KCNH1: variants seen among roughly 807,000 people sequenced by gnomAD.
KCNH1 encodes the protein potassium voltage-gated channel subfamily H member 1, also known as voltage-gated delayed rectifier potassium channel KCNH1.
In KCNH1, 27 loss-of-function variants were observed where a neutral mutation model predicts 69.2. The observed-to-expected ratio is 0.39, with a 90% confidence interval of 0.29 to 0.54. The LOEUF (loss-of-function observed/expected upper bound fraction) is 0.54. Among genes scored for constraint, KCNH1 ranks in the 20% least tolerant of loss-of-function variants. The pLI, the probability that KCNH1 is intolerant of heterozygous loss-of-function variation, is 0.68. For missense variants in KCNH1, 798 were observed against 1,261.6 expected (o/e 0.63, Z 5.57); for synonymous variants, 456 against 487.7 (o/e 0.93, Z 0.86).
intron 10 of KCNH1, among the ~76,000 whole-genome samples, chr1:210,756,905 G>A (rs1392284476): frequency 1.3e-5 from 2 of 152,144 alleles, no homozygotes; most frequent in Non-Finnish European, 2.9e-5. Flanking sequence ...TGGGGGAGAG[G>A]GAAGCTGGAT....
intron 7 of KCNH1, among the ~76,000 whole-genome samples, chr1:210,917,566 A>C (rs561097688): frequency 6.6e-6 from 1 of 152,320 alleles, no homozygotes; most frequent in South Asian, 2.1e-4. Flanking sequence ...CTAGGTAAGA[A>C]GTTGCAGGGA....
intron 6 of KCNH1, among the ~76,000 whole-genome samples, chr1:211,016,005 T>C (rs922424856): frequency 1.3e-5 from 2 of 152,196 alleles, no homozygotes; most frequent in Admixed American, 6.5e-5. Context: ...AGTAAGAGCT[T>C]TGATTCTAAG....
chr1:210,735,266 G>T (rs1682847420), intron 10 of KCNH1, among the ~76,000 whole-genome samples: 1 of 152,102 alleles, frequency 6.6e-6, no homozygotes, highest in Non-Finnish European at 1.5e-5. Context: ...TACACCCCAG[G>T]CATCACCTTT....
At chr1:210,879,733 A>G (rs1192965396) in intron 7 of KCNH1, among the ~76,000 whole-genome samples, 1 of 152,114 alleles carries the variant, frequency 6.6e-6, no homozygotes, top group East Asian at 1.9e-4. Flanking sequence ...CTGTTTTCCA[A>G]TATACTGAAG....
chr1:210,829,470 C>G (rs1379056638), intron 7 of KCNH1, among the ~76,000 whole-genome samples: 2 of 152,102 alleles, frequency 1.3e-5, no homozygotes, highest in Non-Finnish European at 2.9e-5. Flanking sequence ...TCCTTAAAAC[C>G]TAAGTCAAAT....
chr1:211,052,815 T>C (rs1191072092), intron 5 of KCNH1, among the ~76,000 whole-genome samples: 1 of 152,176 alleles, frequency 6.6e-6, no homozygotes, highest in Non-Finnish European at 1.5e-5. Context: ...AGCCTGACTG[T>C]GCATGTGTTC....
intron 6 of KCNH1, among the ~76,000 whole-genome samples, chr1:210,970,175 G>T (rs572905964): frequency 2.0e-4 from 31 of 151,932 alleles, no homozygotes; most frequent in African/African-American, 7.2e-4. Context: ...GTATACCTGT[G>T]CCATGGTGGT....
At chr1:211,101,208 G>A (rs1242571670) in intron 3 of KCNH1, among the ~76,000 whole-genome samples, 1 of 152,148 alleles carries the variant, frequency 6.6e-6, no homozygotes, top group Non-Finnish European at 1.5e-5. Flanking sequence ...GATGCTGTAA[G>A]AGCAGACACT....
At chr1:210,959,700 G>A (rs527958241) in intron 6 of KCNH1, among the ~76,000 whole-genome samples, 4 of 152,314 alleles carry the variant, frequency 2.6e-5, no homozygotes, top group Admixed American at 1.3e-4. Flanking sequence ...CATGGGCATG[G>A]GACCCACTGA....
chr1:211,098,300 G>A (rs1253834019), intron 3 of KCNH1, among the ~76,000 whole-genome samples: 1 of 143,790 alleles, frequency 7.0e-6, no homozygotes, highest in African/African-American at 2.6e-5. Flanking sequence ...CAGCTTGGGC[G>A]ACATAGCCAG....
intron 5 of KCNH1, among the ~76,000 whole-genome samples, chr1:211,077,959 G>A (rs1332677657): frequency 1.3e-5 from 2 of 151,882 alleles, no homozygotes; most frequent in African/African-American, 4.8e-5. Flanking sequence ...AAAAAGCAGG[G>A]TTGCAATCCT....
intron 9 of KCNH1, among the ~76,000 whole-genome samples, chr1:210,776,497 A>C (rs1326097047): frequency 6.6e-6 from 1 of 152,136 alleles, no homozygotes; most frequent in Non-Finnish European, 1.5e-5. Context: ...TAATTAAGTC[A>C]TGGGGGTGGA....
chr1:211,095,581 T>G (rs1691133434), intron 3 of KCNH1, among the ~76,000 whole-genome samples: 1 of 152,180 alleles, frequency 6.6e-6, no homozygotes, highest in Admixed American at 6.5e-5. Flanking sequence ...ATTTTTGGCC[T>G]CCATCAATCT....
intron 6 of KCNH1, among the ~76,000 whole-genome samples, chr1:211,016,981 A>C (rs1289107816): frequency 6.6e-6 from 1 of 151,768 alleles, no homozygotes. Context: ...ATTAGGTATG[A>C]TTCTGCTCTT....
At chr1:210,869,058 G>T (rs890788972) in intron 7 of KCNH1, among the ~76,000 whole-genome samples, 1 of 152,028 alleles carries the variant, frequency 6.6e-6, no homozygotes, top group African/African-American at 2.4e-5. Flanking sequence ...TTGACAGTTT[G>T]CTGTTTTTGT....
intron 7 of KCNH1, among the ~76,000 whole-genome samples, chr1:210,815,163 GTTCTT>G (rs1684788314): frequency 6.6e-6 from 1 of 152,140 alleles, no homozygotes; most frequent in Non-Finnish European, 1.5e-5. Flanking sequence ...CGAGAAATTT[GTTCTT>G]TTCAAATTCT....
chr1:210,763,323 A>G (rs1197685488), intron 10 of KCNH1, among the ~76,000 whole-genome samples: 1 of 152,134 alleles, frequency 6.6e-6, no homozygotes, highest in Non-Finnish European at 1.5e-5. Flanking sequence ...CAAAACAAAG[A>G]TGTTCACTCT....
chr1:210,813,008 G>A (rs1684738253), intron 7 of KCNH1, among the ~76,000 whole-genome samples: 1 of 152,172 alleles, frequency 6.6e-6, no homozygotes, highest in Non-Finnish European at 1.5e-5. Context: ...CTAATAAAAA[G>A]AGAAATGTCT....
intron 9 of KCNH1, among the ~76,000 whole-genome samples, chr1:210,780,848 C>T (rs1287934271): frequency 6.6e-6 from 1 of 152,112 alleles, no homozygotes; most frequent in Non-Finnish European, 1.5e-5. Flanking sequence ...GAGATAGAGA[C>T]CATCCTGGCT....
Sources: allele counts gnomAD v4.1 joint callset (sites outside exome capture counted in the v4.1 genomes callset), GRCh38; gene constraint gnomAD v4.1.1; transcripts MANE v1.5; gene names NCBI Gene and HGNC (gene_info 2026-07-23, HGNC 2026-07-21).